Variants in ERMP1 observed in about 807,000 individuals in gnomAD.
ERMP1 encodes endoplasmic reticulum metallopeptidase 1, also known as Felix-ina.
Under a neutral mutation model 92.0 loss-of-function variants are expected in ERMP1, and 86 were observed. The observed-to-expected ratio is 0.93, with a 90% CI of 0.79 to 1.12. The LOEUF is 1.12. Ranked by LOEUF, ERMP1 falls within the 50% of genes most tolerant of loss-of-function variation. ERMP1 has a pLI of 0.00. For synonymous variants in ERMP1, 530 were observed against 412.8 expected (o/e 1.28, Z -3.44); for missense variants, 1,342 against 1,116.3 (o/e 1.20, Z -2.88).
At chr9:5,793,001 G>A (rs1828264894) in intron 13 of ERMP1, among the ~76,000 whole-genome samples, 1 of 152,078 alleles carries the variant, frequency 6.6e-6, no homozygotes, top group Non-Finnish European at 1.5e-5. Context: ...TGATCTAACA[G>A]ATAACAGTTT....
chr9:5,840,031 C>T (rs1482413566), intron 6 of ERMP1, among the ~76,000 whole-genome samples: 1 of 152,176 alleles, frequency 6.6e-6, no homozygotes, highest in East Asian at 1.9e-4. Context: ...CACTTGAGGT[C>T]AGGAGTTTGT....
At chr9:5,839,633 C>T (rs897440447) in intron 6 of ERMP1, among the ~76,000 whole-genome samples, 2 of 152,070 alleles carry the variant, frequency 1.3e-5, no homozygotes, top group South Asian at 2.1e-4. Context: ...ACTTCCTGAG[C>T]CCCCCTCTAC....
chr9:5,794,143 T>G (rs1181601400), intron 13 of ERMP1, among the ~76,000 whole-genome samples: 2 of 151,990 alleles, frequency 1.3e-5, no homozygotes, highest in Non-Finnish European at 2.9e-5. Flanking sequence ...GAAAAATAGC[T>G]GAAAAATCAA....
rs1196000122 is a variant in ERMP1, at chr9:5,791,193, CAG to C, written c.2387-3602_2387-3601del. On this transcript the variant is annotated intron_variant, in intron 13 of 14. Coordinates refer to ENST00000339450, the MANE Select transcript of ERMP1 (RefSeq NM_024896.3). ...GTACAGAGAGAAAGAGAGAGAGAGA[CAG>C]AGAGAGTGATTGAGATTTATTTTAA... 5 of 455,884 alleles carry C rather than the reference CAG, an allele frequency of 1.1e-5. No individual in the cohort carries two copies. The East Asian group carries it at 3.5e-4, about 32-fold the overall frequency. 28.2% of individuals were successfully genotyped at this position (455,884 alleles called of 1,614,324 possible).
At chr9:5,805,898 C>G (rs1828853850) in intron 8 of ERMP1, 113 bp from the exon 9 acceptor site, 6 of 789,626 alleles carry the variant, frequency 7.6e-6, no homozygotes, top group Admixed American at 3.3e-5. Flanking sequence ...GTTTTAAACA[C>G]AGTCTGCTCT....
upstream of ERMP1, among the ~76,000 whole-genome samples, chr9:5,835,401 A>G (rs1486247089): frequency 6.6e-6 from 1 of 152,226 alleles, no homozygotes; most frequent in African/African-American, 2.4e-5. Context: ...GTTAAGTGCC[A>G]TAAAGAAAAA....
At chr9:5,791,329 G>C (rs1258946782) in intron 13 of ERMP1, 6 of 455,948 alleles carry the variant, frequency 1.3e-5, no homozygotes, top group South Asian at 9.3e-5. Flanking sequence ...TCTGCTAGCA[G>C]AATTCCCCAT....
At chr9:5,850,384 G>T (rs537304841) in intron 6 of ERMP1, among the ~76,000 whole-genome samples, 1 of 101,240 alleles carries the variant, frequency 9.9e-6, no homozygotes. Flanking sequence ...CAGCCTGGGC[G>T]ACGAGAATGA....
intron 13 of ERMP1, 95 bp downstream of exon 13, chr9:5,797,722 G>A (rs1828489917): frequency 1.3e-6 from 1 of 749,482 alleles, no homozygotes; most frequent in Non-Finnish European, 2.3e-6. Context: ...CTAAGTTGCT[G>A]GTTCCTGTGA....
At chr9:5,824,372 G>C (rs888600589) in intron 3 of ERMP1, among the ~76,000 whole-genome samples, 1 of 152,116 alleles carries the variant, frequency 6.6e-6, no homozygotes, top group African/African-American at 2.4e-5. Flanking sequence ...TCAGGAGTTC[G>C]AGACCAGCCT....
intron 5 of ERMP1, among the ~76,000 whole-genome samples, chr9:5,863,632 A>G (rs911274373): frequency 3.3e-5 from 5 of 152,252 alleles, no homozygotes; most frequent in Non-Finnish European, 7.4e-5. Context: ...TATACTATGT[A>G]AGGATCAGAG....
At chr9:5,831,605 C>T (rs1429503152) in intron 1 of ERMP1, among the ~76,000 whole-genome samples, 1 of 152,106 alleles carries the variant, frequency 6.6e-6, no homozygotes, top group Non-Finnish European at 1.5e-5. Context: ...GGCCCTGTCT[C>T]AGAAAACAAA....
At chr9:5,795,075 T>G (rs1828359376) in intron 13 of ERMP1, among the ~76,000 whole-genome samples, 1 of 152,216 alleles carries the variant, frequency 6.6e-6, no homozygotes, top group Admixed American at 6.5e-5. Context: ...ACCTCAGGTA[T>G]GCAAAGCAGT....
chr9:5,805,590 T>A, intron 9 of ERMP1, 21 bp downstream of exon 9: 1 of 1,544,372 alleles, frequency 6.5e-7, no homozygotes, highest in Non-Finnish European at 8.7e-7. Flanking sequence ...CCCATGTATA[T>A]CAAAATCAAA....
At chr9:5,826,112 G>A (rs7028010) in intron 2 of ERMP1, among the ~76,000 whole-genome samples, 50,240 of 151,994 alleles carry the variant, frequency 0.33, 8,900 homozygotes, top group East Asian at 0.57. Context: ...TAATCAAGAA[G>A]TTGGGAGGGT....
chr9:5,801,384 G>C (rs1447161183), intron 10 of ERMP1, 56 bp from the exon 11 acceptor site: 2 of 1,548,526 alleles, frequency 1.3e-6, no homozygotes, highest in Admixed American at 3.9e-5. Flanking sequence ...GTGGTGGAAA[G>C]GTGTTTTTAA....
chr9:5,822,131 A>G (rs1829564831), intron 4 of ERMP1, among the ~76,000 whole-genome samples: 1 of 152,178 alleles, frequency 6.6e-6, no homozygotes, highest in African/African-American at 2.4e-5. Flanking sequence ...ATATGCCTGT[A>G]GTCCCAGCTA....
intron 2 of ERMP1, among the ~76,000 whole-genome samples, chr9:5,826,767 G>A (rs1437032875): frequency 2.0e-5 from 3 of 152,174 alleles, no homozygotes; most frequent in East Asian, 1.9e-4. Context: ...ATTTGACACT[G>A]TGAGTTACTT....
chr9:5,799,050 C>A (rs763858438), intron 11 of ERMP1, 42 bp from the exon 12 acceptor site: 1 of 1,417,050 alleles, frequency 7.1e-7, no homozygotes, highest in South Asian at 1.2e-5. Flanking sequence ...TCAACTAGTA[C>A]ACCCACATTC....
Sources: allele counts gnomAD v4.1 joint callset (sites outside exome capture counted in the v4.1 genomes callset), GRCh38; gene constraint gnomAD v4.1.1; transcripts MANE v1.5; gene names NCBI Gene and HGNC (gene_info 2026-07-23, HGNC 2026-07-21).